The following PASK variants were observed in gnomAD, a reference collection of about 807,000 sequenced individuals.
The protein encoded by PASK is PAS domain containing serine/threonine kinase.
Under a neutral mutation model 121.0 loss-of-function variants are expected in PASK, and 110 were observed. The observed-to-expected ratio is 0.91, with a 90% CI of 0.78 to 1.06. The LOEUF is 1.06. Among genes scored for constraint, PASK ranks in the 50% least tolerant of loss-of-function variants. The probability of loss-of-function intolerance (pLI) is 0.00; values close to 1 mark genes in which losing one functional copy is unlikely to be tolerated. For synonymous variants in PASK, 686 were observed against 717.8 expected, an observed-to-expected ratio of 0.96 and a Z score of 0.71; for missense variants, 1,643 against 1,702.3, an observed-to-expected ratio of 0.97 and a Z score of 0.61.
At chr2:241,116,265 T>G (rs1364303798) in intron 12 of PASK, among the ~76,000 whole-genome samples, 1 of 152,108 alleles carries the variant, frequency 6.6e-6, no homozygotes, top group Non-Finnish European at 1.5e-5. Flanking sequence ...CCCACGGACA[T>G]GAAAGAAGAA....
Position 241,127,167 on chromosome 2 carries a change from C to A in PASK, c.1748G>T (p.Gly583Val), listed in dbSNP as rs753671346. Residue 583 changes from glycine (G) to valine (V), a missense_variant, in exon 10 of 18, where the codon GGT becomes GTT. Gly to Val is a moderately radical substitution (Grantham distance 109). This residue lies in a region of PASK where 1,176 missense variants were observed against 1,162.2 expected (regional missense o/e 1.01). Coordinates refer to ENST00000234040, the MANE Select transcript of PASK (RefSeq NM_015148.4). ...LERMGVSGPS[G>V]SDLWAGAAVA... ...GGCAGCCCCAGCCCAAAGGTCTGAA[C>A]CGCTGGGACCACTGACTCCCATCCG... 21 of 1,613,952 alleles carry A rather than the reference C, an allele frequency of 1.3e-5. No homozygotes were observed. Among genetic ancestry groups the A allele is most frequent in the Non-Finnish European group, 1.7e-5 (20 of 1,179,992 alleles).
rs954103409 is a variant in PASK at position 241,138,557 on chromosome 2, C to G, written c.741+97G>C. 74 of 1,428,978 alleles carry G rather than the reference C, an allele frequency of 5.2e-5. No homozygotes were observed. The African/African-American group carries it at 8.8e-4, about 17-fold the overall frequency. 88.5% of individuals were successfully genotyped at this position (1,428,978 alleles called of 1,614,324 possible). ...CCTCCAGGCTCCTCATCCTCTCTTT[C>G]TTCCCAAAGGAATGAGACAGGGACC... is the stretch of plus-strand genomic sequence containing the variant. On this transcript the variant is annotated intron_variant, in intron 5 of 17. Transcript: ENST00000234040.
chr2:241,118,597 C>T (rs2065470149), intron 12 of PASK: 1 of 165,946 alleles, frequency 6.0e-6, no homozygotes, highest in South Asian at 2.0e-4. Flanking sequence ...TTAGAGAAAA[C>T]ATGGGAGTAA....
chr2:241,111,514 G>A lies in PASK; in HGVS notation c.3533+726C>T, dbSNP rs149576917. On this transcript the variant is annotated intron_variant, in intron 15 of 17. Coordinates refer to ENST00000234040, the MANE Select transcript of PASK (RefSeq NM_015148.4). ...ACACATAGACACATTTGGTTTACAG[G>A]CAGATGAGACAGTGATCGGGCACGT... is the stretch of plus-strand genomic sequence containing the variant. Among the ~76,000 whole-genome samples, 83 of 152,302 alleles carry A rather than the reference G, an allele frequency of 5.4e-4. 1 individual carries two copies. The Middle Eastern group carries it at 0.01, about 19-fold the overall frequency.
In PASK at chr2:241,123,423, C is replaced by T. The variant is rs111844327; in HGVS notation, c.2905-524G>A. On this transcript the variant is annotated intron_variant, in intron 11 of 17. Transcript: ENST00000234040. ...TTGATCTCCTGACCTCGTGATCCAC[C>T]CGCCTTGGCCTCCCAAAGTGCTGGG... Among the ~76,000 whole-genome samples, 390 of 152,126 alleles carry T rather than the reference C, an allele frequency of 2.6e-3. 3 individuals are homozygous for T. Among genetic ancestry groups the T allele is most frequent in the African/African-American group, 8.7e-3 (362 of 41,538 alleles).
At chr2:241,124,898 G>A (rs1158012097) in intron 10 of PASK, among the ~76,000 whole-genome samples, 1 of 152,232 alleles carries the variant, frequency 6.6e-6, no homozygotes, top group South Asian at 2.1e-4. Flanking sequence ...CAGGCATGGT[G>A]GCTCATGCCT....
intron 9 of PASK, among the ~76,000 whole-genome samples, chr2:241,128,828 G>T (rs983455071): frequency 1.3e-5 from 2 of 151,860 alleles, no homozygotes; most frequent in African/African-American, 4.8e-5. Context: ...TCGCACCACT[G>T]CACTCCAGCC....
In PASK at chr2:241,106,674, C is replaced by G; in HGVS notation, c.3864G>C (p.Leu1288=). Residue 1288 remains leucine (L), a synonymous_variant, in exon 18 of 18, where the codon CTG becomes CTC. Coordinates refer to ENST00000234040, the MANE Select transcript of PASK (RefSeq NM_015148.4). Reference sequence around the variant, plus strand: ...GCTCCTGAGCCTGGGCCACATCACTCAGGCTCCTGTTCCCCATCTCCAGGC... The same window carrying G: ...GCTCCTGAGCCTGGGCCACATCACTGAGGCTCCTGTTCCCCATCTCCAGGC... ...AASLEMGNRS[L]SDVAQAQELC... is the part of the protein sequence containing the mutation. The G allele has an allele frequency of 6.2e-7, 1 of 1,614,222 alleles. No individual in the cohort carries two copies. Among genetic ancestry groups the G allele is most frequent in the East Asian group, 2.2e-5 (1 of 44,888 alleles).
Position 241,124,078 on chromosome 2 carries a change from G to A in PASK, c.2775C>T (p.Cys925=), listed in dbSNP as rs1310417655. ...GGAGGAGGTCTTTCACCAGCCAGCAGCAGAACAGAGGTGTGGGGCCCTGGA... is the reference window on the plus strand; with the variant it reads ...GGAGGAGGTCTTTCACCAGCCAGCAACAGAACAGAGGTGTGGGGCCCTGGA... ...VELQGPTPLF[C]CWLVKDLLHS... is the part of the protein sequence containing the mutation. The change falls in exon 11 of 18, where the codon TGC becomes TGT. Residue 925 remains cysteine, a synonymous_variant. Coordinates refer to ENST00000234040, the MANE Select transcript of PASK (RefSeq NM_015148.4). 6 of 1,613,786 alleles carry A rather than the reference G, an allele frequency of 3.7e-6. No individual in the cohort carries two copies. The highest frequency in any genetic ancestry group is 5.1e-6 in the Non-Finnish European group (6 of 1,179,954).
chr2:241,115,932 T>G (rs1436529423), intron 12 of PASK, among the ~76,000 whole-genome samples: 2 of 61,560 alleles, frequency 3.2e-5, no homozygotes, highest in East Asian at 2.0e-3. Flanking sequence ...GGGGCCACCA[T>G]CAGTCCTCAA....
At chr2:241,139,528 C>G (rs1159835244) in intron 4 of PASK, 6 of 514,040 alleles carry the variant, frequency 1.2e-5, no homozygotes, top group Non-Finnish European at 2.0e-5. Flanking sequence ...ATGTAAAAAT[C>G]AATAGACAAT....
At chr2:241,136,267 C>T (rs567917106) in intron 7 of PASK, among the ~76,000 whole-genome samples, 7 of 152,364 alleles carry the variant, frequency 4.6e-5, no homozygotes, top group Non-Finnish European at 8.8e-5. Context: ...ACATACTCTG[C>T]GGCAAGTTAC....
At chr2:241,139,554 T>C (rs1380862693) in intron 4 of PASK, 5 of 574,698 alleles carry the variant, frequency 8.7e-6, no homozygotes, top group Non-Finnish European at 1.7e-5. Flanking sequence ...CATATTACTC[T>C]TGAGCATCTG....
At chr2:241,130,541 G>A (rs1458651585) in intron 9 of PASK, among the ~76,000 whole-genome samples, 8 of 152,094 alleles carry the variant, frequency 5.3e-5, no homozygotes, top group Non-Finnish European at 8.8e-5. Flanking sequence ...CCTCAACCAC[G>A]GCCGCCCCAC....
At chr2:241,138,851 G>A (rs1388455522) in intron 4 of PASK, 57 bp from the exon 5 acceptor site, 13 of 1,585,224 alleles carry the variant, frequency 8.2e-6, no homozygotes, top group African/African-American at 1.3e-5. Flanking sequence ...ACCAGTATGG[G>A]TGGGGCACCT....
rs1367038664 is a variant in PASK at position 241,127,235 on chromosome 2, A to G, written c.1680T>C (p.Ser560=). 1.2e-6 allele frequency: 2 copies of G among 1,614,090 alleles called. No individual in the cohort carries two copies. Among genetic ancestry groups the G allele is most frequent in the African/African-American group, 1.3e-5 (1 of 74,936 alleles). The change falls in exon 10 of 18, where the codon AGT becomes AGC. Residue 560 remains serine (S), a synonymous_variant. Transcript: ENST00000234040. ...GACACAGGCCACACATGCCAGCATC[A>G]CTGCCCCCATCCTCAGCTGGGACTG... ...EAPVPAEDGG[S]DAGMCGLCQK...
chr2:241,108,275 A>G lies in PASK; in HGVS notation c.3559T>C (p.Trp1187Arg). Residue 1187 changes from tryptophan to arginine, a missense_variant, in exon 16 of 18, where the codon TGG becomes CGG. Around this residue, in one of 3 missense-constraint regions of PASK, gnomAD observed 453 missense variants for 511.2 expected, o/e 0.89. Transcript: ENST00000234040. The surrounding 1 kb of genome is among the most constrained non-coding windows in gnomAD (Gnocchi z 5.2). Reference protein sequence around the residue: ...NPYRGPELEMWSLGVTLYTLV... With the variant: ...NPYRGPELEMRSLGVTLYTLV... ...GTGTACAGAGTGACTCCCAGAGACC[A>G]CATCTCCAGCTCCGGCCCTCTGTAG... is the stretch of plus-strand genomic sequence containing the variant. 1 of 1,614,042 alleles carries G rather than the reference A, an allele frequency of 6.2e-7. No individual in the cohort carries two copies. Among genetic ancestry groups the G allele is most frequent in the Non-Finnish European group, 8.5e-7 (1 of 1,179,926 alleles).
rs1483402600 is a variant in PASK, at chr2:241,149,464, C to T, written c.-93G>A. Reference sequence around the variant, plus strand: ...GCCGGCTACACACCACGGAAAGGAGCCCTTCCGCGCTTTTATCCCACCGAC... The same window carrying T: ...GCCGGCTACACACCACGGAAAGGAGTCCTTCCGCGCTTTTATCCCACCGAC... On this transcript the variant is annotated 5_prime_UTR_variant, in exon 1 of 18. Transcript: ENST00000234040. 3.4e-6 allele frequency: 2 copies of T among 596,120 alleles called. No individual in the cohort carries two copies. Among genetic ancestry groups the T allele is most frequent in the Non-Finnish European group, 5.9e-6 (2 of 340,094 alleles). The allele number at this position is 596,120 out of a possible 1,614,324, so 36.9% of individuals were successfully genotyped here.
chr2:241,131,450 T>G (rs1048149340), intron 9 of PASK, among the ~76,000 whole-genome samples: 1 of 152,192 alleles, frequency 6.6e-6, no homozygotes, highest in Non-Finnish European at 1.5e-5. Flanking sequence ...GCCTGGCCCA[T>G]GCATTACATA....
Sources: gnomAD v4.1 joint callset for allele counts (sites outside exome capture counted in the v4.1 genomes callset) on GRCh38, gnomAD v4.1.1 for gene constraint, gnomAD v4.1.1 regional missense constraint, Gnocchi (gnomAD v3.1) non-coding constraint, MANE v1.5 for transcripts, NCBI Gene and HGNC (gene_info 2026-07-23, HGNC 2026-07-21) for gene names.